Variants in POTEC observed in about 807,000 individuals in gnomAD.
POTEC encodes the protein POTE ankyrin domain family member C, also known as ANKRD26-like family B member 2.
In POTEC, 35 loss-of-function variants were observed where a neutral mutation model predicts 62.0. The ratio of observed to expected loss-of-function variants is 0.56; its 90% CI spans 0.43 to 0.75. The LOEUF (loss-of-function observed/expected upper bound fraction) is 0.75. POTEC is among the 30% of genes least tolerant of loss of function. The pLI, the probability that POTEC is intolerant of heterozygous loss-of-function variation, is 0.00. For synonymous variants in POTEC, 156 were observed against 221.5 expected (o/e 0.70, Z 2.62); for missense variants, 472 against 655.9 (o/e 0.72, Z 3.06).
At chr18:14,515,678 ACCT>A (rs1307510421) in intron 9 of POTEC, among the ~76,000 whole-genome samples, 1 of 151,146 alleles carries the variant, frequency 6.6e-6, no homozygotes, top group African/African-American at 2.4e-5. Flanking sequence ...ATAAATAAAT[ACCT>A]AATTAAACTA....
chr18:14,520,752 C>T (rs547325102), intron 9 of POTEC, among the ~76,000 whole-genome samples: 109 of 152,062 alleles, frequency 7.2e-4, no homozygotes, highest in African/African-American at 2.6e-3. Context: ...CAAATCCAGC[C>T]CACTGCCTGT....
At chr18:14,517,054 A>G (rs1910185149) in intron 9 of POTEC, among the ~76,000 whole-genome samples, 1 of 150,182 alleles carries the variant, frequency 6.7e-6, no homozygotes, top group Admixed American at 6.6e-5. Flanking sequence ...AAAATAATTA[A>G]TTTTAAGGAA....
chr18:14,537,542 A>C (rs1243477524), intron 3 of POTEC, among the ~76,000 whole-genome samples: 2 of 152,182 alleles, frequency 1.3e-5, no homozygotes, highest in Non-Finnish European at 2.9e-5. Context: ...AAATTGAAAA[A>C]AAAAAGTATT....
intron 9 of POTEC, among the ~76,000 whole-genome samples, chr18:14,515,450 A>G (rs899542018): frequency 1.7e-4 from 26 of 152,292 alleles, no homozygotes; most frequent in African/African-American, 5.8e-4. Flanking sequence ...TGGAGAAAGT[A>G]CACGTTATTC....
intron 9 of POTEC, among the ~76,000 whole-genome samples, chr18:14,517,420 A>G (rs1175096908): frequency 6.6e-6 from 1 of 152,234 alleles, no homozygotes; most frequent in Admixed American, 6.5e-5. Flanking sequence ...CCATCAGAAT[A>G]GACAGTGCCT....
At chr18:14,516,496 G>C (rs1342095947) in intron 9 of POTEC, among the ~76,000 whole-genome samples, 1 of 134,610 alleles carries the variant, frequency 7.4e-6, no homozygotes, top group Non-Finnish European at 1.6e-5. Flanking sequence ...AAGTGAAAGG[G>C]AAAGAGCCCA....
chr18:14,525,957 G>A (rs922692930), intron 6 of POTEC, among the ~76,000 whole-genome samples: 7 of 151,474 alleles, frequency 4.6e-5, no homozygotes, highest in East Asian at 3.9e-4. Flanking sequence ...GCTGGAGTGC[G>A]GTGGCACAAT....
At chr18:14,516,657 A>G (rs1400776997) in intron 9 of POTEC, among the ~76,000 whole-genome samples, 2 of 44,656 alleles carry the variant, frequency 4.5e-5, no homozygotes, top group Non-Finnish European at 1.6e-4. Context: ...CACAAAGCCA[A>G]ACTACTGGGG....
chr18:14,535,042 T>C (rs1449492065), intron 3 of POTEC, 35 bp from the exon 4 acceptor site: 1 of 1,590,436 alleles, frequency 6.3e-7, no homozygotes, highest in South Asian at 1.1e-5. Flanking sequence ...CAATATGTAA[T>C]TCAAAAAATT....
At chr18:14,520,789 C>G (rs1910287013) in intron 9 of POTEC, among the ~76,000 whole-genome samples, 1 of 152,002 alleles carries the variant, frequency 6.6e-6, no homozygotes, top group South Asian at 2.1e-4. Flanking sequence ...TCTTGGAACA[C>G]AGCCATGCTT....
In POTEC at chr18:14,522,135, C is replaced by T. The variant is rs569431879; in HGVS notation, c.1409+119G>A. 4.0e-4 allele frequency: 548 copies of T among 1,356,426 alleles called. 10 individuals are homozygous for T. In the South Asian group the frequency reaches 7.0e-3, roughly 17 times the overall value. 84.0% of individuals were successfully genotyped at this position (1,356,426 alleles called of 1,614,324 possible). On this transcript the variant is annotated intron_variant, in intron 9 of 10. Coordinates refer to ENST00000358970, the MANE Select transcript of POTEC (RefSeq NM_001137671.2). ...TACTGATTTTCATTTTTCTGATTAA[C>T]AGGCAAGGCTGAATATTCTAGTAAA...
At chr18:14,542,170 C>T (rs1326830985) in intron 1 of POTEC, among the ~76,000 whole-genome samples, 1 of 152,068 alleles carries the variant, frequency 6.6e-6, no homozygotes, top group Non-Finnish European at 1.5e-5. Context: ...ATTTCAGTTT[C>T]CTTTTAAGGT....
At chr18:14,530,587 T>G (rs768327125) in intron 5 of POTEC, 34 bp from the exon 6 acceptor site, 22 of 1,415,662 alleles carry the variant, frequency 1.6e-5, no homozygotes, top group Non-Finnish European at 1.9e-5. Context: ...CAAATTACTA[T>G]TTTAATACTG....
In POTEC at chr18:14,542,728, A is replaced by G. The variant is rs1567917031; in HGVS notation, c.419T>C (p.Leu140Pro). Reference protein sequence around the residue: ...EPRYHVRREDLDKLHRAAWWG... With the variant: ...EPRYHVRREDPDKLHRAAWWG... Reference sequence around the variant, plus strand: ...CCAGGCAGCTCTGTGGAGCTTGTCCAGATCTTCTCGACGGACGTGGTACCT... The same window carrying G: ...CCAGGCAGCTCTGTGGAGCTTGTCCGGATCTTCTCGACGGACGTGGTACCT... Residue 140 changes from leucine to proline, a missense_variant, in exon 1 of 11, where the codon CTG becomes CCG. Leu to Pro is a moderately conservative substitution (Grantham distance 98). This residue lies in a region of POTEC where 257 missense variants were observed against 250.7 expected (regional missense o/e 1.03). Coordinates refer to ENST00000358970, the MANE Select transcript of POTEC (RefSeq NM_001137671.2). 1 of 1,613,274 alleles carries G rather than the reference A, an allele frequency of 6.2e-7. No individual in the cohort carries two copies. Among genetic ancestry groups the G allele is most frequent in the Non-Finnish European group, 8.5e-7 (1 of 1,179,864 alleles).
At chr18:14,536,823 GT>G (rs1480844549) in intron 3 of POTEC, among the ~76,000 whole-genome samples, 2 of 152,054 alleles carry the variant, frequency 1.3e-5, no homozygotes, top group Non-Finnish European at 2.9e-5. Context: ...GTAGAACAAG[GT>G]CTAGTAAACT....
At chr18:14,527,548 G>A (rs1910468477) in intron 6 of POTEC, among the ~76,000 whole-genome samples, 1 of 151,756 alleles carries the variant, frequency 6.6e-6, no homozygotes. Context: ...AAATACTAGT[G>A]TACAACGTGG....
chr18:14,515,453 C>T (rs865782779), intron 9 of POTEC, among the ~76,000 whole-genome samples: 12 of 152,052 alleles, frequency 7.9e-5, no homozygotes, highest in Admixed American at 5.2e-4. Context: ...AGAAAGTACA[C>T]GTTATTCAAC....
chr18:14,513,886 G>A, intron 9 of POTEC, 101 bp from the exon 10 acceptor site: 1 of 1,579,336 alleles, frequency 6.3e-7, no homozygotes, highest in Non-Finnish European at 8.6e-7. Flanking sequence ...ATGCATATCT[G>A]CACATTAATC....
chr18:14,521,957 A>G (rs1434547215), intron 9 of POTEC, among the ~76,000 whole-genome samples: 5 of 152,164 alleles, frequency 3.3e-5, no homozygotes, highest in African/African-American at 9.7e-5. Flanking sequence ...CCTCCATGAT[A>G]CAGTTTACCT....
Sources: allele counts gnomAD v4.1 joint callset (sites outside exome capture counted in the v4.1 genomes callset), GRCh38; gene constraint gnomAD v4.1.1; regional missense constraint gnomAD v4.1.1; transcripts MANE v1.5; gene names NCBI Gene and HGNC (gene_info 2026-07-23, HGNC 2026-07-21).